The following AJM1 variants were observed in gnomAD, a reference collection of about 807,000 sequenced individuals.
AJM1 encodes apical junction component 1 homolog.
In AJM1, 22 loss-of-function variants were observed where a neutral mutation model predicts 43.0. That is an observed-to-expected ratio of 0.51 (90% CI 0.37 to 0.73). AJM1 has a LOEUF of 0.73. Among genes scored for constraint, AJM1 ranks in the 30% least tolerant of loss-of-function variants. The pLI is 0.00. For synonymous variants in AJM1, 719 were observed against 638.3 expected, an observed-to-expected ratio of 1.13 and a Z score of -1.91; for missense variants, 1,305 against 1,343.3, an observed-to-expected ratio of 0.97 and a Z score of 0.45.
rs1243308560 is a variant in AJM1 at position 136,847,299 on chromosome 9, C to T, written c.2885C>T (p.Ala962Val). ...CMIMAASEPR[A>V]LDWVASANLL... Reference sequence around the variant, plus strand: ...ATCATGGCCGCCTCCGAGCCGCGCGCGCTCGACTGGGTGGCCAGCGCCAAC... The same window carrying T: ...ATCATGGCCGCCTCCGAGCCGCGCGTGCTCGACTGGGTGGCCAGCGCCAAC... The change falls in exon 3 of 3, where the codon GCG (alanine) becomes GTG (valine). Residue 962 changes from alanine (A) to valine (V), a missense_variant. By Grantham distance (64) the Ala-to-Val change is moderately conservative. Around this residue, in one of 6 missense-constraint regions of AJM1, gnomAD observed 116 missense variants for 113.4 expected, o/e 1.02. Coordinates refer to ENST00000436881, the MANE Select transcript of AJM1 (RefSeq NM_001080482.5). 6.5e-7 allele frequency: 1 copy of T among 1,548,338 alleles called. No homozygotes were observed. The highest frequency in any genetic ancestry group is 8.7e-7 in the Non-Finnish European group (1 of 1,152,232).
chr9:136,843,404 C>T (rs1848728930), intron 1 of AJM1, among the ~76,000 whole-genome samples: 1 of 152,250 alleles, frequency 6.6e-6, no homozygotes, highest in South Asian at 2.1e-4. Context: ...GGAGGGCCCT[C>T]TCCTGCAAAG....
chr9:136,846,676 G>C lies in AJM1; in HGVS notation c.2262G>C (p.Leu754=), dbSNP rs757712787. ...CGCGCGGCCGCGGCGTGCTCTTCCT[G>C]GGCTTCCCAAGTCCAGGCTCGGCCG... ...FLSRGRGVLF[L]GFPSPGSADN... Residue 754 remains leucine, a synonymous_variant, in exon 3 of 3, where the codon CTG becomes CTC. Transcript: ENST00000436881. The C allele has an allele frequency of 5.0e-6, 8 of 1,602,536 alleles. No individual in the cohort carries two copies. Among genetic ancestry groups the C allele is most frequent in the Admixed American group, 3.3e-5 (2 of 59,776 alleles).
Position 136,845,981 on chromosome 9 carries a change from C to T in AJM1, c.1567C>T (p.Leu523=). The T allele has an allele frequency of 6.4e-7, 1 of 1,553,722 alleles. No homozygotes were observed. The highest frequency in any genetic ancestry group is 1.2e-5 in the South Asian group (1 of 84,304). The stretch of plus-strand genomic sequence containing the variant: ...GGAGAAGGGCCGCGCGGGCGAGGGC[C>T]TGGGCCGCAACTGGTACGTGACGCC... ...LTEKGRAGEG[L]GRNWYVTPEI... is the part of the protein sequence containing the mutation. Residue 523 remains leucine (L), a synonymous_variant, in exon 3 of 3, where the codon CTG becomes TTG. Coordinates refer to ENST00000436881, the MANE Select transcript of AJM1 (RefSeq NM_001080482.5).
In AJM1 at chr9:136,846,277, CG is replaced by C. The variant is rs1424390997; in HGVS notation, c.1867del (p.Ala623ProfsTer40). ...RLLDSRPAGS[G>X]APALAPPRSP... ...TGCTGGACTCGCGGCCCGCGGGCTC[CG>C]GGGCCCCCGCGCTGGCGCCGCCACG... On this transcript the variant is annotated frameshift_variant, in exon 3 of 3. Coordinates refer to ENST00000436881, the MANE Select transcript of AJM1 (RefSeq NM_001080482.5). LOFTEE classifies it high-confidence loss of function. 6.5e-6 allele frequency: 8 copies of C among 1,225,182 alleles called. No homozygotes were observed. Among genetic ancestry groups the C allele is most frequent in the Non-Finnish European group, 8.2e-6 (8 of 971,292 alleles). 75.9% of individuals were successfully genotyped at this position (1,225,182 alleles called of 1,614,324 possible).
In AJM1 at chr9:136,847,539, AC is replaced by A. The variant is rs1349940292; in HGVS notation, c.*200del. Reference sequence around the variant, plus strand: ...GGCCTCCAGCTCCGCCCAGGCCCCCACCCCCCGGCCCTTCGTCCCCGTAGTG... The same window carrying A: ...GGCCTCCAGCTCCGCCCAGGCCCCCACCCCCGGCCCTTCGTCCCCGTAGTG... On this transcript the variant is annotated 3_prime_UTR_variant, in exon 3 of 3. Coordinates refer to ENST00000436881, the MANE Select transcript of AJM1 (RefSeq NM_001080482.5). 3 of 395,584 alleles carry A rather than the reference AC, an allele frequency of 7.6e-6. No individual in the cohort carries two copies. The highest frequency in any genetic ancestry group is 1.2e-5 in the Non-Finnish European group (3 of 241,710). 24.5% of individuals were successfully genotyped at this position (395,584 alleles called of 1,614,324 possible).
Position 136,845,523 on chromosome 9 carries a change from C to T in AJM1, c.1109C>T (p.Thr370Ile), listed in dbSNP as rs1209625633. The T allele has an allele frequency of 1.3e-6, 2 of 1,597,536 alleles. No homozygotes were observed. Among genetic ancestry groups the T allele is most frequent in the Non-Finnish European group, 1.7e-6 (2 of 1,173,216 alleles). ...CCCGAGGAGCCCCGGGCCCACTCCA[C>T]CGCCCGCCCCTTTTACACGGAGGAC... ...YVPEEPRAHS[T>I]ARPFYTEDFG... Residue 370 changes from threonine to isoleucine, a missense_variant, in exon 3 of 3, where the codon ACC (threonine) becomes ATC (isoleucine). Thr to Ile is a moderately conservative substitution (Grantham distance 89). This residue lies in a region of AJM1 where 653 missense variants were observed against 549.1 expected (regional missense o/e 1.19). Transcript: ENST00000436881.
chr9:136,847,202 G>A lies in AJM1; in HGVS notation c.2788G>A (p.Ala930Thr), dbSNP rs868778639. Reference protein sequence around the residue: ...VYEQLCEFVEANRRFTPTTIY... With the variant: ...VYEQLCEFVETNRRFTPTTIY... The stretch of plus-strand genomic sequence containing the variant: ...CGAGCAGCTTTGCGAGTTCGTCGAG[G>A]CCAACAGGCGCTTCACGCCCACCAC... The change falls in exon 3 of 3, where the codon GCC (alanine) becomes ACC (threonine). Residue 930 changes from alanine (A) to threonine (T), a missense_variant. Physicochemically the swap from Ala to Thr is moderately conservative, Grantham distance 58 (BLOSUM62 0). Around this residue, in one of 6 missense-constraint regions of AJM1, gnomAD observed 116 missense variants for 113.4 expected, o/e 1.02. Transcript: ENST00000436881. 1 of 1,605,734 alleles carries A rather than the reference G, an allele frequency of 6.2e-7. No homozygotes were observed. The highest frequency in any genetic ancestry group is 8.5e-7 in the Non-Finnish European group (1 of 1,178,874).
At position 136,847,244 on chromosome 9, in the gene AJM1, C is replaced by T. The variant is rs1848790580; in HGVS notation, c.2830C>T (p.Arg944Trp). The T allele has an allele frequency of 1.9e-6, 3 of 1,602,926 alleles. No individual in the cohort carries two copies. The highest frequency in any genetic ancestry group is 2.5e-6 in the Non-Finnish European group (3 of 1,177,812). The change falls in exon 3 of 3, where the codon CGG (arginine) becomes TGG (tryptophan). Residue 944 changes from arginine to tryptophan, a missense_variant. Arg to Trp is a moderately radical substitution (Grantham distance 101). Coordinates refer to ENST00000436881, the MANE Select transcript of AJM1 (RefSeq NM_001080482.5). ...FTPTTIYPTD[R>W]RTGRPFMCMI... The stretch of plus-strand genomic sequence containing the variant: ...GCCCACCACCATCTACCCCACGGAC[C>T]GGCGCACCGGCCGCCCCTTCATGTG...
intron 1 of AJM1, among the ~76,000 whole-genome samples, 106 bp downstream of exon 1, chr9:136,842,695 G>A (rs527572008): frequency 1.0e-3 from 155 of 152,304 alleles, no homozygotes; most frequent in Non-Finnish European, 1.9e-3. Flanking sequence ...AGGCAACACC[G>A]GCTGTATCCC....
At position 136,844,601 on chromosome 9, in the gene AJM1, G is replaced by A; in HGVS notation, c.187G>A (p.Ala63Thr). The change falls in exon 3 of 3, where the codon GCC (alanine) becomes ACC (threonine). Residue 63 changes from alanine to threonine, a missense_variant. Physicochemically the swap from Ala to Thr is moderately conservative, Grantham distance 58. Around this residue, in one of 6 missense-constraint regions of AJM1, gnomAD observed 128 missense variants for 120.6 expected, o/e 1.06. Coordinates refer to ENST00000436881, the MANE Select transcript of AJM1 (RefSeq NM_001080482.5). The stretch of plus-strand genomic sequence containing the variant: ...CTTCCTGGAGGCGCTGGACGGGCCG[G>A]CCATGGAGACCCTGCCGGAGCCACC... ...FDFLEALDGPAMETLPEPPPP... is the reference protein window; with the variant it reads ...FDFLEALDGPTMETLPEPPPP... The A allele has an allele frequency of 1.9e-6, 3 of 1,580,000 alleles. No individual in the cohort carries two copies. Among genetic ancestry groups the A allele is most frequent in the Non-Finnish European group, 2.6e-6 (3 of 1,165,180 alleles).
chr9:136,842,748 G>A (rs1848719959), intron 1 of AJM1, among the ~76,000 whole-genome samples, 159 bp downstream of exon 1: 1 of 152,198 alleles, frequency 6.6e-6, no homozygotes, highest in Admixed American at 6.5e-5. Flanking sequence ...GGCAAGGCAG[G>A]GCTGGGAGGT....
At chr9:136,844,027 A>G (rs1848734742) in intron 1 of AJM1, among the ~76,000 whole-genome samples, 169 bp from the exon 2 acceptor site, 2 of 151,562 alleles carry the variant, frequency 1.3e-5, no homozygotes, top group Non-Finnish European at 3.0e-5. Flanking sequence ...ACCCGAGCCG[A>G]CCCCGCCGTC....
Position 136,845,276 on chromosome 9 carries a change from C to G in AJM1, c.862C>G (p.Gln288Glu). The G allele has an allele frequency of 6.2e-7, 1 of 1,609,100 alleles. No homozygotes were observed. Among genetic ancestry groups the G allele is most frequent in the Non-Finnish European group, 8.5e-7 (1 of 1,179,584 alleles). The change falls in exon 3 of 3, where the codon CAA becomes GAA. Residue 288 changes from glutamine (Q) to glutamate (E), a missense_variant. Physicochemically the swap from Gln to Glu is conservative, Grantham distance 29. This residue lies in a region of AJM1 where 653 missense variants were observed against 549.1 expected (regional missense o/e 1.19). Transcript: ENST00000436881. ...CCAGTTCTTCTATACAGAGGAGCCCCAAGGCTTCCGGGGCAGCTTTGCAGC... is the reference window on the plus strand; with the variant it reads ...CCAGTTCTTCTATACAGAGGAGCCCGAAGGCTTCCGGGGCAGCTTTGCAGC... ...PTQFFYTEEPQGFRGSFAASP... is the reference protein window; with the variant it reads ...PTQFFYTEEPEGFRGSFAASP...
Position 136,846,999 on chromosome 9 carries a change from C to A in AJM1, c.2585C>A (p.Pro862Gln), listed in dbSNP as rs1024913245. 4 of 1,224,688 alleles carry A rather than the reference C, an allele frequency of 3.3e-6. No homozygotes were observed. Among genetic ancestry groups the A allele is most frequent in the Non-Finnish European group, 4.3e-6 (4 of 930,990 alleles). The allele number at this position is 1,224,688 out of a possible 1,614,324, so 75.9% of individuals were successfully genotyped here. The change falls in exon 3 of 3, where the codon CCG (proline) becomes CAG (glutamine). Residue 862 changes from proline to glutamine, a missense_variant. By Grantham distance (76) the Pro-to-Gln change is moderately conservative. Around this residue, in one of 6 missense-constraint regions of AJM1, gnomAD observed 391 missense variants for 507.5 expected, o/e 0.77. Coordinates refer to ENST00000436881, the MANE Select transcript of AJM1 (RefSeq NM_001080482.5). ...GCCGGCAGCCCCGCGCGGCCGCCCC[C>A]GGCGCGGAGCCGCGAGCCCGACATG... is the stretch of plus-strand genomic sequence containing the variant. ...LAAGSPARPP[P>Q]ARSREPDMET...
chr9:136,842,561 C>A lies in AJM1; in HGVS notation c.-172C>A, dbSNP rs1170068388. Among the ~76,000 whole-genome samples the A allele has an allele frequency of 6.6e-6, 1 of 152,224 alleles. No individual in the cohort carries two copies. Among genetic ancestry groups the A allele is most frequent in the South Asian group, 2.1e-4 (1 of 4,836 alleles). ...GAGCCGACCTGGGGGTGGCACAGCCCACCGGGGCACAGCCAGAGCAGCACC... is the reference window on the plus strand; with the variant it reads ...GAGCCGACCTGGGGGTGGCACAGCCAACCGGGGCACAGCCAGAGCAGCACC... On this transcript the variant is annotated 5_prime_UTR_variant, in exon 1 of 3. Transcript: ENST00000436881.
At position 136,847,361 on chromosome 9, in the gene AJM1, A is replaced by T; in HGVS notation, c.*16A>T. ...CATCATGTGAGGCGCCGGGCCCACC[A>T]GGCCTAGCCCAGGCGCTGGCCCGAA... On this transcript the variant is annotated 3_prime_UTR_variant, in exon 3 of 3. Coordinates refer to ENST00000436881, the MANE Select transcript of AJM1 (RefSeq NM_001080482.5). 6.7e-7 allele frequency: 1 copy of T among 1,490,410 alleles called. No individual in the cohort carries two copies. Among genetic ancestry groups the T allele is most frequent in the Non-Finnish European group, 8.9e-7 (1 of 1,121,752 alleles). The allele number at this position is 1,490,410 out of a possible 1,614,324, so 92.3% of individuals were successfully genotyped here.
Position 136,847,001 on chromosome 9 carries a change from G to T in AJM1, c.2587G>T (p.Ala863Ser), listed in dbSNP as rs1256405078. The change falls in exon 3 of 3, where the codon GCG becomes TCG. Residue 863 changes from alanine to serine, a missense_variant. Physicochemically the swap from Ala to Ser is moderately conservative, Grantham distance 99 (BLOSUM62 1). Coordinates refer to ENST00000436881, the MANE Select transcript of AJM1 (RefSeq NM_001080482.5). ...CGGCAGCCCCGCGCGGCCGCCCCCG[G>T]CGCGGAGCCGCGAGCCCGACATGGA... ...AAGSPARPPP[A>S]RSREPDMETL... The T allele has an allele frequency of 2.4e-6, 3 of 1,229,572 alleles. No individual in the cohort carries two copies. The highest frequency in any genetic ancestry group is 3.2e-6 in the Non-Finnish European group (3 of 932,328). The allele number at this position is 1,229,572 out of a possible 1,614,324, so 76.2% of individuals were successfully genotyped here.
chr9:136,847,289 G>T lies in AJM1; in HGVS notation c.2875G>T (p.Glu959Ter). The change falls in exon 3 of 3, where the codon GAG (glutamate) becomes TAG (stop). Residue 959 changes from glutamate to a stop codon, truncating the protein, a stop_gained. Transcript: ENST00000436881. LOFTEE classifies it high-confidence loss of function. ...PFMCMIMAAS[E>*]PRALDWVASA... ...CATGTGCATGATCATGGCCGCCTCC[G>T]AGCCGCGCGCGCTCGACTGGGTGGC... The T allele has an allele frequency of 1.3e-6, 2 of 1,558,510 alleles. No homozygotes were observed. Among genetic ancestry groups the T allele is most frequent in the Non-Finnish European group, 8.6e-7 (1 of 1,157,898 alleles).
chr9:136,846,928 C>A lies in AJM1; in HGVS notation c.2514C>A (p.Arg838=). Residue 838 remains arginine (R), a synonymous_variant, in exon 3 of 3, where the codon CGC becomes CGA. Coordinates refer to ENST00000436881, the MANE Select transcript of AJM1 (RefSeq NM_001080482.5). ...GTPALPAPAP[R]SHGPTVRKFA... ...CGGCCCTGCCCGCGCCCGCGCCACG[C>A]AGCCACGGGCCAACAGTGCGCAAGT... 7.0e-7 allele frequency: 1 copy of A among 1,430,318 alleles called. No individual in the cohort carries two copies. The highest frequency in any genetic ancestry group is 9.2e-7 in the Non-Finnish European group (1 of 1,087,916). 88.6% of individuals were successfully genotyped at this position (1,430,318 alleles called of 1,614,324 possible).
Sources: allele counts gnomAD v4.1 joint callset (sites outside exome capture counted in the v4.1 genomes callset), GRCh38; gene constraint gnomAD v4.1.1; regional missense constraint gnomAD v4.1.1; transcripts MANE v1.5; gene names NCBI Gene and HGNC (gene_info 2026-07-23, HGNC 2026-07-21).